The following CDYL2 variants were observed in gnomAD, a reference collection of about 807,000 sequenced individuals.
The protein encoded by CDYL2 is chromodomain Y-like protein 2.
Under a neutral mutation model 49.4 loss-of-function variants are expected in CDYL2, and 23 were observed. The observed-to-expected ratio is 0.47, with a 90% CI of 0.34 to 0.66. The LOEUF is 0.66. Among genes scored for constraint, CDYL2 ranks in the 30% least tolerant of loss-of-function variants. The pLI is 0.01. For synonymous variants in CDYL2, 360 were observed against 268.8 expected (o/e 1.34, Z -3.32); for missense variants, 678 against 656.4 (o/e 1.03, Z -0.36).
chr16:80,619,880 G>C (rs1403189063), intron 4 of CDYL2, among the ~76,000 whole-genome samples: 1 of 152,136 alleles, frequency 6.6e-6, no homozygotes, highest in Non-Finnish European at 1.5e-5. Context: ...GCCCCCTATA[G>C]CCACGTGGGA....
intron 5 of CDYL2, among the ~76,000 whole-genome samples, chr16:80,609,595 C>T (rs765739568): frequency 3.3e-5 from 5 of 152,172 alleles, no homozygotes; most frequent in African/African-American, 9.7e-5. Flanking sequence ...AGCAGAAGTT[C>T]GCTGGGAGAA....
At chr16:80,613,414 T>C (rs1906689961) in intron 4 of CDYL2, among the ~76,000 whole-genome samples, 1 of 152,152 alleles carries the variant, frequency 6.6e-6, no homozygotes, top group Non-Finnish European at 1.5e-5. Flanking sequence ...GGGTACATGT[T>C]GGGATTGATG....
At chr16:80,658,883 G>T (rs1448950850) in intron 2 of CDYL2, among the ~76,000 whole-genome samples, 1 of 152,186 alleles carries the variant, frequency 6.6e-6, no homozygotes, top group Non-Finnish European at 1.5e-5. Context: ...AAAATAGGAA[G>T]TGATCAAAAG....
intron 2 of CDYL2, among the ~76,000 whole-genome samples, chr16:80,675,940 G>A (rs1909726338): frequency 6.6e-6 from 1 of 152,166 alleles, no homozygotes; most frequent in Non-Finnish European, 1.5e-5. Context: ...AGCTGAGCAG[G>A]TAGGAAAAGC....
chr16:80,619,796 C>T (rs1272754992), intron 4 of CDYL2, among the ~76,000 whole-genome samples: 1 of 152,174 alleles, frequency 6.6e-6, no homozygotes, highest in East Asian at 1.9e-4. Flanking sequence ...CTGCTTCACC[C>T]TGAAGAGGGA....
chr16:80,744,584 T>C (rs1182299042), intron 1 of CDYL2, among the ~76,000 whole-genome samples: 1 of 152,196 alleles, frequency 6.6e-6, no homozygotes, highest in Non-Finnish European at 1.5e-5. Context: ...CAAGAAAATG[T>C]CATTGTCTTC....
intron 1 of CDYL2, among the ~76,000 whole-genome samples, chr16:80,734,256 G>A (rs1196678247): frequency 6.6e-6 from 1 of 152,132 alleles, no homozygotes; most frequent in Admixed American, 6.5e-5. Context: ...TGGGGGCCGG[G>A]GAAAGGCAAG....
chr16:80,634,528 G>C (rs1907728947), intron 2 of CDYL2, among the ~76,000 whole-genome samples: 1 of 152,122 alleles, frequency 6.6e-6, no homozygotes, highest in South Asian at 2.1e-4. Flanking sequence ...GATAGTATTA[G>C]GAGAAATATG....
At chr16:80,725,444 G>C (rs114153376) in intron 1 of CDYL2, among the ~76,000 whole-genome samples, 72 of 152,316 alleles carry the variant, frequency 4.7e-4, no homozygotes, top group African/African-American at 1.7e-3. Flanking sequence ...CCATGTAGCT[G>C]GCTCTATATC....
At chr16:80,660,419 A>G (rs1455680222) in intron 2 of CDYL2, among the ~76,000 whole-genome samples, 1 of 152,034 alleles carries the variant, frequency 6.6e-6, no homozygotes, top group Non-Finnish European at 1.5e-5. Flanking sequence ...TTTGTTAGAA[A>G]AAGATCATAC....
At chr16:80,783,062 C>A (rs1372215634) in intron 1 of CDYL2, among the ~76,000 whole-genome samples, 1 of 151,984 alleles carries the variant, frequency 6.6e-6, no homozygotes, top group Non-Finnish European at 1.5e-5. Flanking sequence ...TTTAAAACTA[C>A]AATTTGTGTG....
chr16:80,699,135 G>A (rs1904288428), intron 1 of CDYL2, among the ~76,000 whole-genome samples: 1 of 152,160 alleles, frequency 6.6e-6, no homozygotes, highest in South Asian at 2.1e-4. Context: ...AATATCATAT[G>A]ATTCAATAAC....
intron 2 of CDYL2, among the ~76,000 whole-genome samples, chr16:80,680,443 C>T (rs1909924089): frequency 6.6e-6 from 1 of 152,178 alleles, no homozygotes; most frequent in Non-Finnish European, 1.5e-5. Flanking sequence ...GAAACGATGG[C>T]TCCTAGTTAG....
chr16:80,710,419 C>T (rs550783060), intron 1 of CDYL2, among the ~76,000 whole-genome samples: 1 of 152,314 alleles, frequency 6.6e-6, no homozygotes, highest in Admixed American at 6.5e-5. Flanking sequence ...ACAGAATTTA[C>T]TCTAAGGACA....
At position 80,644,984 on chromosome 16, in the gene CDYL2, T is replaced by C. The variant is rs530607222; in HGVS notation, c.617-11748A>G. Among the ~76,000 whole-genome samples the C allele has an allele frequency of 3.9e-5, 6 of 152,144 alleles. No individual in the cohort carries two copies. In the South Asian group the frequency reaches 6.2e-4, roughly 16 times the overall value. On this transcript the variant is annotated intron_variant, in intron 2 of 6. Coordinates refer to ENST00000570137, the MANE Select transcript of CDYL2 (RefSeq NM_152342.4). The stretch of plus-strand genomic sequence containing the variant: ...CCTTCCTTACACCTTATACAAAAAT[T>C]AATTCAAGATGGATTAAAGACTTAA...
chr16:80,687,514 A>C (rs1315964200), intron 1 of CDYL2, among the ~76,000 whole-genome samples: 1 of 151,966 alleles, frequency 6.6e-6, no homozygotes, highest in East Asian at 1.9e-4. Context: ...GGTAGGATGT[A>C]TGGGTGACTA....
chr16:80,663,410 T>C (rs919249382), intron 2 of CDYL2, among the ~76,000 whole-genome samples: 2 of 151,378 alleles, frequency 1.3e-5, no homozygotes. Flanking sequence ...AGGGCTCAAA[T>C]TCACAGGTGC....
chr16:80,681,016 G>A (rs545099011), intron 2 of CDYL2, among the ~76,000 whole-genome samples: 2 of 151,810 alleles, frequency 1.3e-5, no homozygotes, highest in Admixed American at 6.6e-5. Flanking sequence ...CACAAACACT[G>A]CTGGGGAAAA....
At chr16:80,764,519 T>C (rs573858912) in intron 1 of CDYL2, among the ~76,000 whole-genome samples, 2 of 152,182 alleles carry the variant, frequency 1.3e-5, no homozygotes, top group South Asian at 2.1e-4. Context: ...GAGACAATCA[T>C]TATCAATACT....
Sources: gnomAD v4.1 joint callset for allele counts (sites outside exome capture counted in the v4.1 genomes callset) on GRCh38, gnomAD v4.1.1 for gene constraint, MANE v1.5 for transcripts, NCBI Gene and HGNC (gene_info 2026-07-23, HGNC 2026-07-21) for gene names.